The following NFAT5 variants were observed in gnomAD, a reference collection of about 807,000 sequenced individuals.
NFAT5 encodes the protein nuclear factor of activated T-cells 5.
NFAT5 carries 31 observed loss-of-function variants against 166.5 expected under a neutral mutation model. The observed-to-expected ratio is 0.19, with a 90% CI of 0.14 to 0.25. The LOEUF (loss-of-function observed/expected upper bound fraction) is 0.25, where lower values mean the gene tolerates loss of function less well. Among genes scored for constraint, NFAT5 ranks in the 10% least tolerant of loss-of-function variants. The probability of loss-of-function intolerance (pLI) is 1.00; values close to 1 mark genes in which losing one functional copy is unlikely to be tolerated. For synonymous variants in NFAT5, 612 were observed against 639.7 expected (o/e 0.96, Z 0.65); for missense variants, 1,449 against 1,821.8 (o/e 0.80, Z 3.72).
chr16:69,673,594 A>G lies in NFAT5; in HGVS notation c.1557+3306A>G, dbSNP rs531884854. Among the ~76,000 whole-genome samples the G allele has an allele frequency of 7.2e-5, 11 of 152,210 alleles. No homozygotes were observed. The East Asian group carries it at 2.1e-3, about 29-fold the overall frequency. On this transcript the variant is annotated intron_variant, in intron 9 of 14. Coordinates refer to ENST00000349945, the MANE Select transcript of NFAT5 (RefSeq NM_138713.4). The stretch of plus-strand genomic sequence containing the variant: ...AAAATATAGCCAGTCATGGTGGCAC[A>G]TGCATATAGTTCCAGCTACTTGGGA...
In NFAT5 at chr16:69,659,553, G is replaced by A. The variant is rs539234713; in HGVS notation, c.1197-174G>A. Among the ~76,000 whole-genome samples the A allele has an allele frequency of 6.6e-5, 10 of 152,186 alleles. No homozygotes were observed. In the South Asian group the frequency reaches 2.1e-3, roughly 32 times the overall value. On this transcript the variant is annotated intron_variant, in intron 6 of 14. Coordinates refer to ENST00000349945, the MANE Select transcript of NFAT5 (RefSeq NM_138713.4). ...AAAGATTGACAGGATTAGGAACAGT[G>A]GTGAATGTTTAGAATTTACCCTTTT...
At chr16:69,597,958 T>C (rs1225727293) in intron 2 of NFAT5, among the ~76,000 whole-genome samples, 1 of 152,156 alleles carries the variant, frequency 6.6e-6, no homozygotes, top group Non-Finnish European at 1.5e-5. Context: ...TTAGTAACTG[T>C]TGTCTAGAGA....
chr16:69,647,639 C>CA lies in NFAT5; in HGVS notation c.812+61dup, dbSNP rs1182304882. 1.5e-5 allele frequency: 22 copies of CA among 1,460,912 alleles called. No homozygotes were observed. The highest frequency in any genetic ancestry group is 1.8e-4 in the Middle Eastern group (1 of 5,506). 90.5% of individuals were successfully genotyped at this position (1,460,912 alleles called of 1,614,324 possible). ...ATCATCATTATGCAAAACAAACAAA[C>CA]AAAAAAAATTCCCAATTTTTCCTAA... On this transcript the variant is annotated intron_variant, in intron 4 of 14. Coordinates refer to ENST00000349945, the MANE Select transcript of NFAT5 (RefSeq NM_138713.4). This position sits in a 1 kb window ranked among gnomAD's most constrained non-coding sequence, Gnocchi z 4.8.
chr16:69,687,211 C>G (rs2037340721), intron 11 of NFAT5, among the ~76,000 whole-genome samples: 1 of 151,554 alleles, frequency 6.6e-6, no homozygotes, highest in African/African-American at 2.4e-5. Context: ...GGAGGCCAAG[C>G]CAGTGGATCA....
chr16:69,583,848 G>C (rs1033130360), intron 2 of NFAT5, among the ~76,000 whole-genome samples: 1 of 152,160 alleles, frequency 6.6e-6, no homozygotes, highest in Admixed American at 6.5e-5. Context: ...TTGTGCTCTA[G>C]TTATATGTAA....
chr16:69,693,907 A>C lies in NFAT5; in HGVS notation c.4082A>C (p.Gln1361Pro), dbSNP rs1036878115. The stretch of plus-strand genomic sequence containing the variant: ...TCACTTCAGAACCCAGGTCCTACCC[A>C]GTCGGAATCATCACAGACCCCCTTG... ...VSSLQNPGPT[Q>P]SESSQTPLFH... Residue 1361 changes from glutamine to proline, a missense_variant, in exon 13 of 15, where the codon CAG becomes CCG. Gln to Pro is a moderately conservative substitution (Grantham distance 76). Coordinates refer to ENST00000349945, the MANE Select transcript of NFAT5 (RefSeq NM_138713.4). 4 of 1,614,134 alleles carry C rather than the reference A, an allele frequency of 2.5e-6. No individual in the cohort carries two copies. Among genetic ancestry groups the C allele is most frequent in the African/African-American group, 1.3e-5 (1 of 74,946 alleles).
At chr16:69,687,189 C>A (rs772683977) in intron 11 of NFAT5, among the ~76,000 whole-genome samples, 4 of 152,016 alleles carry the variant, frequency 2.6e-5, no homozygotes, top group Non-Finnish European at 5.9e-5. Context: ...CACCTGTAAT[C>A]CCAGCACTTT....
chr16:69,607,491 G>A (rs2033476845), intron 2 of NFAT5, among the ~76,000 whole-genome samples: 1 of 152,204 alleles, frequency 6.6e-6, no homozygotes. Flanking sequence ...GAAAATTTAT[G>A]TGCTTTTAAC....
At chr16:69,664,778 A>G (rs1251440340) in intron 7 of NFAT5, among the ~76,000 whole-genome samples, 2 of 152,150 alleles carry the variant, frequency 1.3e-5, no homozygotes, top group African/African-American at 4.8e-5. Flanking sequence ...CTGTAATCCC[A>G]GCACTTTGGG....
At chr16:69,656,707 C>T (rs1373513920) in intron 6 of NFAT5, among the ~76,000 whole-genome samples, 1 of 152,154 alleles carries the variant, frequency 6.6e-6, no homozygotes, top group Non-Finnish European at 1.5e-5. Context: ...ACACCTTGGC[C>T]TCCCAAAGTG....
intron 2 of NFAT5, among the ~76,000 whole-genome samples, chr16:69,578,627 A>C (rs2142921103): frequency 6.6e-6 from 1 of 152,342 alleles, no homozygotes; most frequent in Non-Finnish European, 1.5e-5. Context: ...TTAAGCCAAC[A>C]AATAGCTATC....
chr16:69,623,139 A>G (rs1479612095), intron 2 of NFAT5, among the ~76,000 whole-genome samples: 1 of 152,132 alleles, frequency 6.6e-6, no homozygotes, highest in East Asian at 1.9e-4. Flanking sequence ...GAGAGAAACT[A>G]CATCTCAAAG....
At chr16:69,602,666 A>G in intron 2 of NFAT5, among the ~76,000 whole-genome samples, 1 of 150,610 alleles carries the variant, frequency 6.6e-6, no homozygotes, top group East Asian at 1.9e-4. Flanking sequence ...GTGCAGTGGC[A>G]CAATCTTGGC....
intron 2 of NFAT5, among the ~76,000 whole-genome samples, chr16:69,617,185 G>T (rs1180723092): frequency 6.6e-6 from 1 of 151,862 alleles, no homozygotes; most frequent in Admixed American, 6.6e-5. Context: ...CTTGTGATCC[G>T]CCCGCCTCGG....
At chr16:69,658,144 G>A (rs1435579659) in intron 6 of NFAT5, among the ~76,000 whole-genome samples, 1 of 151,188 alleles carries the variant, frequency 6.6e-6, no homozygotes, top group South Asian at 2.1e-4. Flanking sequence ...AGGAGGAAAG[G>A]AAGGAATTTA....
chr16:69,646,917 A>G (rs922532908), intron 3 of NFAT5, 111 bp from the exon 4 acceptor site: 18 of 905,730 alleles, frequency 2.0e-5, no homozygotes, highest in African/African-American at 5.0e-5. Context: ...AATTCTGACT[A>G]TTCATTTTGG....
intron 10 of NFAT5, among the ~76,000 whole-genome samples, chr16:69,677,919 G>T (rs532969075): frequency 2.0e-5 from 3 of 152,102 alleles, no homozygotes; most frequent in Admixed American, 6.5e-5. Flanking sequence ...TTGGGAGGCC[G>T]AGGCGGGTGG....
chr16:69,639,329 G>T (rs1205153782), intron 3 of NFAT5, among the ~76,000 whole-genome samples: 1 of 152,082 alleles, frequency 6.6e-6, no homozygotes, highest in African/African-American at 2.4e-5. Context: ...CTAAGTTTCA[G>T]GATAAGCATT....
chr16:69,628,575 C>G (rs2034569419), intron 3 of NFAT5, among the ~76,000 whole-genome samples: 1 of 152,026 alleles, frequency 6.6e-6, no homozygotes, highest in Non-Finnish European at 1.5e-5. Context: ...GAGTTTAAAT[C>G]ACAGAATAAT....
Sources: gnomAD v4.1 joint callset for allele counts (sites outside exome capture counted in the v4.1 genomes callset) on GRCh38, gnomAD v4.1.1 for gene constraint, Gnocchi (gnomAD v3.1) non-coding constraint, MANE v1.5 for transcripts, NCBI Gene and HGNC (gene_info 2026-07-23, HGNC 2026-07-21) for gene names.